The following KCNK9 variants were observed in gnomAD, a reference collection of about 807,000 sequenced individuals.
KCNK9 encodes the protein potassium channel subfamily K member 9.
In KCNK9, 1 loss-of-function variant was observed where a neutral mutation model predicts 10.8. That is an observed-to-expected ratio of 0.09 (90% confidence interval 0.03 to 0.44). The LOEUF is 0.44. KCNK9 is among the 20% of genes least tolerant of loss of function. The pLI is 0.97. For missense variants in KCNK9, 303 were observed against 515.0 expected, an observed-to-expected ratio of 0.59 and a Z score of 3.98; for synonymous variants, 231 against 222.7, an observed-to-expected ratio of 1.04 and a Z score of -0.33.
In KCNK9 at chr8:139,703,070, G is replaced by GGCCGCC; in HGVS notation, c.-84_-79dup. The GGCCGCC allele has an allele frequency of 7.9e-7, 1 of 1,265,724 alleles. No individual in the cohort carries two copies. Among genetic ancestry groups the GGCCGCC allele is most frequent in the South Asian group, 2.7e-5 (1 of 37,392 alleles). The allele number at this position is 1,265,724 out of a possible 1,614,324, so 78.4% of individuals were successfully genotyped here. Reference sequence around the variant, plus strand: ...CGCGCGTCCCACTGCAGCGCCCGGCGGCCGCCGCCGCCTCCTCCTCCGCCG... The same window carrying GGCCGCC: ...CGCGCGTCCCACTGCAGCGCCCGGCGGCCGCCGCCGCCGCCGCCTCCTCCTCCGCCG... On this transcript the variant is annotated 5_prime_UTR_variant, in exon 1 of 2. Coordinates refer to ENST00000520439, the MANE Select transcript of KCNK9 (RefSeq NM_001282534.2). The surrounding 1 kb of genome is among the most constrained non-coding windows in gnomAD (Gnocchi z 6.4).
In KCNK9 at chr8:139,656,461, C is replaced by T. The variant is rs528164527; in HGVS notation, c.284-37362G>A. Among the ~76,000 whole-genome samples, 27 of 152,286 alleles carry T rather than the reference C, an allele frequency of 1.8e-4. 2 individuals carry two copies. The South Asian group carries it at 5.2e-3, about 29-fold the overall frequency. Reference sequence around the variant, plus strand: ...GCCTGGAGTGCCCTTCCCCACTGTCCTGGGCGCGCTTGCCTCTCCCTCACA... The same window carrying T: ...GCCTGGAGTGCCCTTCCCCACTGTCTTGGGCGCGCTTGCCTCTCCCTCACA... On this transcript the variant is annotated intron_variant, in intron 1 of 1. Coordinates refer to ENST00000520439, the MANE Select transcript of KCNK9 (RefSeq NM_001282534.2).
intron 1 of KCNK9, among the ~76,000 whole-genome samples, chr8:139,663,543 G>A (rs1264190655): frequency 6.6e-6 from 1 of 152,092 alleles, no homozygotes; most frequent in African/African-American, 2.4e-5. Flanking sequence ...GGACACACCT[G>A]TGCAGGAGTC....
intron 1 of KCNK9, among the ~76,000 whole-genome samples, chr8:139,665,440 C>T (rs1016036639): frequency 6.6e-6 from 1 of 152,218 alleles, no homozygotes. Flanking sequence ...CCAGGAACCT[C>T]GCCCTTTCTT....
chr8:139,622,867 A>G (rs758479168), intron 1 of KCNK9, among the ~76,000 whole-genome samples: 1 of 152,234 alleles, frequency 6.6e-6, no homozygotes, highest in Admixed American at 6.5e-5. Flanking sequence ...AAGACTTCAG[A>G]GTACACACAG....
At position 139,618,532 on chromosome 8, in the gene KCNK9, G is replaced by A. The variant is rs1230341419; in HGVS notation, c.851C>T (p.Pro284Leu). Residue 284 changes from proline to leucine, a missense_variant, in exon 2 of 2, where the codon CCC becomes CTC. Physicochemically the swap from Pro to Leu is moderately conservative, Grantham distance 98. Around this residue, in one of 5 missense-constraint regions of KCNK9, gnomAD observed 138 missense variants for 161.1 expected, o/e 0.86. Coordinates refer to ENST00000520439, the MANE Select transcript of KCNK9 (RefSeq NM_001282534.2). The surrounding 1 kb of genome is among the most constrained non-coding windows in gnomAD (Gnocchi z 7.9). ...GTCCGGGACGTCCGCCTTGTACCTG[G>A]GCCGGCTGGGCCGCGGCTCCTCAGG... ...HIPEEPRPSRPRYKADVPDLQ... is the reference protein window; with the variant it reads ...HIPEEPRPSRLRYKADVPDLQ... The A allele has an allele frequency of 1.2e-6, 2 of 1,613,508 alleles. No individual in the cohort carries two copies. Among genetic ancestry groups the A allele is most frequent in the South Asian group, 2.2e-5 (2 of 91,074 alleles).
chr8:139,669,331 C>T (rs765139952), intron 1 of KCNK9, among the ~76,000 whole-genome samples: 50 of 152,186 alleles, frequency 3.3e-4, no homozygotes, highest in Non-Finnish European at 5.6e-4. Flanking sequence ...CTGGAGTATG[C>T]GATGCTGTTT....
At chr8:139,684,342 C>G (rs1816747033) in intron 1 of KCNK9, among the ~76,000 whole-genome samples, 1 of 152,168 alleles carries the variant, frequency 6.6e-6, no homozygotes, top group South Asian at 2.1e-4. Context: ...GTCTTTTCTC[C>G]TTGGAAGCCA....
rs1816828785 is a variant in KCNK9, at chr8:139,687,492, ACATATATACATATATATG to A, written c.283+15200_283+15217del. 5.8e-5 allele frequency among the ~76,000 whole-genome samples: 2 copies of A among 34,362 alleles called. 1 individual carries two copies. The highest frequency in any genetic ancestry group is 1.7e-4 in the African/African-American group (2 of 11,596). The allele number at this position is 34,362 out of a possible 152,430, so 22.5% of individuals were successfully genotyped here. Reference sequence around the variant, plus strand: ...TTCATATATATGTATACATATATACACATATATACATATATATGTATACACATATATTCATATATATGT... The same window carrying A: ...TTCATATATATGTATACATATATACATATACACATATATTCATATATATGT... On this transcript the variant is annotated intron_variant, in intron 1 of 1. Coordinates refer to ENST00000520439, the MANE Select transcript of KCNK9 (RefSeq NM_001282534.2).
chr8:139,699,027 C>G (rs530532484), intron 1 of KCNK9, among the ~76,000 whole-genome samples: 91 of 152,274 alleles, frequency 6.0e-4, no homozygotes, highest in African/African-American at 2.1e-3. Context: ...CCCTGATGTA[C>G]GGCTTCCGCT....
At position 139,668,422 on chromosome 8, in the gene KCNK9, C is replaced by CTTT. The variant is rs35809199; in HGVS notation, c.283+34285_283+34287dup. On this transcript the variant is annotated intron_variant, in intron 1 of 1. Transcript: ENST00000520439. ...AGACTGTAGTATAGTGTAAACAATA[C>CTTT]TTTTTTTTTTTTTTTTGAGATGGAG... 1.0e-3 allele frequency among the ~76,000 whole-genome samples: 145 copies of CTTT among 140,694 alleles called. 2 individuals carry two copies. Among genetic ancestry groups the CTTT allele is most frequent in the African/African-American group, 3.5e-3 (131 of 37,934 alleles). The allele number at this position is 140,694 out of a possible 152,430, so 92.3% of individuals were successfully genotyped here.
intron 1 of KCNK9, among the ~76,000 whole-genome samples, chr8:139,628,318 G>A (rs1161418157): frequency 6.6e-6 from 1 of 152,208 alleles, no homozygotes. Context: ...CAACATAGAA[G>A]CACCTCCAGC....
intron 1 of KCNK9, among the ~76,000 whole-genome samples, chr8:139,639,514 G>A (rs1815435730): frequency 1.3e-5 from 2 of 152,346 alleles, no homozygotes; most frequent in South Asian, 4.1e-4. Context: ...CTGAGCCAAG[G>A]AACTGATGAA....
chr8:139,679,320 G>A (rs1037654806), intron 1 of KCNK9, among the ~76,000 whole-genome samples: 9 of 152,222 alleles, frequency 5.9e-5, no homozygotes, highest in Non-Finnish European at 7.3e-5. Context: ...GGCAGGATGC[G>A]GAATGGCAGG....
chr8:139,667,884 A>T (rs1042456980), intron 1 of KCNK9, among the ~76,000 whole-genome samples: 1 of 14,582 alleles, frequency 6.9e-5, no homozygotes, highest in Non-Finnish European at 2.4e-4. Flanking sequence ...CCGTCTTAAT[A>T]AAAAAAAAAA....
chr8:139,613,109 G>A (rs1345170656), downstream of KCNK9, among the ~76,000 whole-genome samples: 4 of 152,244 alleles, frequency 2.6e-5, no homozygotes, highest in Non-Finnish European at 4.4e-5. Flanking sequence ...GCACCGTTAG[G>A]TAGGAGAGTG....
chr8:139,659,553 C>T (rs1816100242), intron 1 of KCNK9, among the ~76,000 whole-genome samples: 1 of 152,174 alleles, frequency 6.6e-6, no homozygotes, highest in Non-Finnish European at 1.5e-5. Context: ...GCTCTGTCAC[C>T]CAGGCTGGAG....
exon 3 of KCNK9, chr8:139,601,389 C>T (rs1817366597): frequency 3.3e-5 from 5 of 152,216 alleles, no homozygotes; most frequent in Admixed American, 2.0e-4. Context: ...GGATTAGAGT[C>T]ACAGCTGAGG....
At position 139,683,963 on chromosome 8, in the gene KCNK9, T is replaced by A. The variant is rs527465816; in HGVS notation, c.283+18747A>T. 1.3e-3 allele frequency among the ~76,000 whole-genome samples: 198 copies of A among 152,326 alleles called. 1 individual carries two copies. The highest frequency in any genetic ancestry group is 4.4e-3 in the African/African-American group (181 of 41,580). ...GGACAATCTCAACTGGCATAACCCT[T>A]CTGACCTTTGCCCCCTCCTTCTTCC... On this transcript the variant is annotated intron_variant, in intron 1 of 1. Coordinates refer to ENST00000520439, the MANE Select transcript of KCNK9 (RefSeq NM_001282534.2).
chr8:139,616,093 C>A (rs1179043751), downstream of KCNK9: 2 of 152,178 alleles, frequency 1.3e-5, no homozygotes, highest in Admixed American at 6.5e-5. Flanking sequence ...GAGCAAATCA[C>A]CCTCTCAGTG....
Sources: gnomAD v4.1 joint callset for allele counts (sites outside exome capture counted in the v4.1 genomes callset) on GRCh38, gnomAD v4.1.1 for gene constraint, gnomAD v4.1.1 regional missense constraint, Gnocchi (gnomAD v3.1) non-coding constraint, MANE v1.5 for transcripts, NCBI Gene and HGNC (gene_info 2026-07-23, HGNC 2026-07-21) for gene names.